The following RAB4B variants were observed in gnomAD, a reference collection of about 807,000 sequenced individuals.
RAB4B encodes RAB4B, member RAS oncogene family, also known as ras-related protein Rab-4B.
RAB4B carries 15 observed loss-of-function variants against 28.3 expected under a neutral mutation model. That is an observed-to-expected ratio of 0.53 (90% CI 0.35 to 0.82). The LOEUF (loss-of-function observed/expected upper bound fraction) is 0.82. RAB4B is among the 40% of genes least tolerant of loss of function. The pLI, the probability that RAB4B is intolerant of heterozygous loss-of-function variation, is 0.01. For missense variants in RAB4B, 244 were observed against 288.5 expected (o/e 0.85, Z 1.12); for synonymous variants, 108 against 116.3 (o/e 0.93, Z 0.46).
chr19:40,793,466 C>G (rs374151695), intron 7 of RAB4B, among the ~76,000 whole-genome samples: 9 of 151,950 alleles, frequency 5.9e-5, no homozygotes, highest in African/African-American at 2.2e-4. Context: ...GTCTCGAACT[C>G]CTGAGCTCAA....
chr19:40,778,917 C>T (rs2083021617), intron 1 of RAB4B: 1 of 980,028 alleles, frequency 1.0e-6, no homozygotes. Flanking sequence ...AAGGAGAGGT[C>T]GGGAAGTGGA....
intron 7 of RAB4B, among the ~76,000 whole-genome samples, chr19:40,788,480 TTAAAAAAA>T (rs983176592): frequency 1.3e-5 from 1 of 76,108 alleles, no homozygotes; most frequent in Non-Finnish European, 2.7e-5. Flanking sequence ...AGCGAGACTC[TTAAAAAAA>T]AAAAAAAAAA....
At chr19:40,793,935 A>G (rs923706374) in intron 7 of RAB4B, among the ~76,000 whole-genome samples, 4 of 151,654 alleles carry the variant, frequency 2.6e-5, no homozygotes, top group Non-Finnish European at 1.5e-5. Context: ...CAAAAACAAA[A>G]ACAAACAAAC....
chr19:40,778,941 T>A, intron 1 of RAB4B: 1 of 985,174 alleles, frequency 1.0e-6, no homozygotes, highest in Non-Finnish European at 1.2e-6. Context: ...TCAGTAGGGA[T>A]GCACCATAGG....
At chr19:40,779,916 C>G (rs1157979258) in intron 1 of RAB4B, 103 bp from the exon 2 acceptor site, 1 of 1,600,184 alleles carries the variant, frequency 6.2e-7, no homozygotes, top group Admixed American at 1.7e-5. Flanking sequence ...TTCTCTCCCT[C>G]TAACTGTGAT....
At chr19:40,783,164 A>G (rs1012314576) in intron 3 of RAB4B, among the ~76,000 whole-genome samples, 1 of 150,968 alleles carries the variant, frequency 6.6e-6, no homozygotes, top group Non-Finnish European at 1.5e-5. Context: ...AAAAAAAAAA[A>G]AAAAAAAAGA....
intron 1 of RAB4B, chr19:40,779,058 G>A (rs1363596771): frequency 1.0e-6 from 1 of 981,228 alleles, no homozygotes; most frequent in Non-Finnish European, 1.2e-6. Context: ...ACCCTGAGGT[G>A]AGAACCAGCT....
At position 40,778,325 on chromosome 19, in the gene RAB4B, C is replaced by T. The variant is rs1332224507; in HGVS notation, c.-51C>T. ...AGTGGAGCGGCTGCCAGCCGAGGAGCAGGCGCGGCCGCGGCGCCATATTGC... is the reference window on the plus strand; with the variant it reads ...AGTGGAGCGGCTGCCAGCCGAGGAGTAGGCGCGGCCGCGGCGCCATATTGC... On this transcript the variant is annotated 5_prime_UTR_variant, in exon 1 of 8. Transcript: ENST00000357052. 2 of 1,482,864 alleles carry T rather than the reference C, an allele frequency of 1.3e-6. No homozygotes were observed. The highest frequency in any genetic ancestry group is 1.8e-6 in the Non-Finnish European group (2 of 1,120,582). The allele number at this position is 1,482,864 out of a possible 1,614,324, so 91.9% of individuals were successfully genotyped here. A position where few individuals can be genotyped will look rare whatever the true frequency, so the allele number is the denominator to read the frequency against.
chr19:40,782,624 C>G (rs2083059343), intron 3 of RAB4B, among the ~76,000 whole-genome samples: 1 of 151,450 alleles, frequency 6.6e-6, no homozygotes, highest in Non-Finnish European at 1.5e-5. Flanking sequence ...ACCACACTGG[C>G]CAACATGGCG....
chr19:40,788,973 G>T (rs1240832213), intron 7 of RAB4B, among the ~76,000 whole-genome samples: 2 of 151,618 alleles, frequency 1.3e-5, no homozygotes, highest in African/African-American at 2.4e-5. Flanking sequence ...GTAGAGATGG[G>T]GTTTTACCAT....
At chr19:40,789,175 C>T (rs557781664) in intron 7 of RAB4B, among the ~76,000 whole-genome samples, 25 of 151,412 alleles carry the variant, frequency 1.7e-4, no homozygotes, top group African/African-American at 5.3e-4. Context: ...AGATTACAGG[C>T]GTGAGCCACT....
At chr19:40,790,908 T>C (rs1599749013) in intron 7 of RAB4B, among the ~76,000 whole-genome samples, 1 of 148,132 alleles carries the variant, frequency 6.8e-6, no homozygotes, top group South Asian at 2.1e-4. Flanking sequence ...CAGGCTGGAG[T>C]GCAGTGGTGC....
At chr19:40,780,356 A>G (rs544025208) in intron 2 of RAB4B, 29 bp from the exon 3 acceptor site, 1 of 1,567,924 alleles carries the variant, frequency 6.4e-7, no homozygotes, top group Non-Finnish European at 8.7e-7. Flanking sequence ...CTCTCCCTGT[A>G]CTGCCCCTTC....
chr19:40,783,406 A>G (rs887875674), intron 3 of RAB4B, among the ~76,000 whole-genome samples: 2 of 152,120 alleles, frequency 1.3e-5, no homozygotes, highest in African/African-American at 4.8e-5. Context: ...AGATCGTACC[A>G]CTGCACTCCA....
chr19:40,783,357 G>A (rs2083068584), intron 3 of RAB4B, among the ~76,000 whole-genome samples: 1 of 151,370 alleles, frequency 6.6e-6, no homozygotes, highest in Non-Finnish European at 1.5e-5. Flanking sequence ...TCTCTCCGTT[G>A]GGATACTGAG....
chr19:40,786,954 T>C lies in RAB4B; in HGVS notation c.633T>C (p.Cys211=). The part of the protein sequence containing the change: ...RSAQAVAPQP[C]GC ...CCCAGGCCGTGGCCCCTCAGCCGTGTGGCTGCTGAGCTCTGTGGAGCCAGG... is the reference window on the plus strand; with the variant it reads ...CCCAGGCCGTGGCCCCTCAGCCGTGCGGCTGCTGAGCTCTGTGGAGCCAGG... Residue 211 remains cysteine, a synonymous_variant, in exon 7 of 8, where the codon TGT becomes TGC. Coordinates refer to ENST00000357052, the MANE Select transcript of RAB4B (RefSeq NM_016154.5). The C allele has an allele frequency of 6.2e-7, 1 of 1,613,834 alleles. No individual in the cohort carries two copies. Among genetic ancestry groups the C allele is most frequent in the South Asian group, 1.1e-5 (1 of 91,058 alleles).
At chr19:40,782,599 G>C (rs1459059547) in intron 3 of RAB4B, among the ~76,000 whole-genome samples, 1 of 151,846 alleles carries the variant, frequency 6.6e-6, no homozygotes, top group East Asian at 1.9e-4. Context: ...GATCACTTGA[G>C]GTCAGGAGTT....
intron 7 of RAB4B, among the ~76,000 whole-genome samples, chr19:40,789,958 G>A (rs942350013): frequency 6.6e-6 from 1 of 152,220 alleles, no homozygotes; most frequent in South Asian, 2.1e-4. Context: ...GTGTCGGTGA[G>A]GGTGACCAAA....
intron 7 of RAB4B, 39 bp downstream of exon 7, chr19:40,787,017 T>C (rs1348028317): frequency 1.3e-6 from 2 of 1,539,514 alleles, no homozygotes; most frequent in Non-Finnish European, 8.9e-7. Flanking sequence ...GGGCGGCCTC[T>C]TGGGCATGGG....
Sources: allele counts gnomAD v4.1 joint callset (sites outside exome capture counted in the v4.1 genomes callset), GRCh38; gene constraint gnomAD v4.1.1; transcripts MANE v1.5; gene names NCBI Gene and HGNC (gene_info 2026-07-23, HGNC 2026-07-21).